Variants in SETD5 observed in about 807,000 individuals in gnomAD.
SETD5 encodes SET domain containing 5.
A neutral mutation model predicts 153.3 loss-of-function variants in SETD5; 44 were observed. The observed-to-expected ratio is 0.29, with a 90% CI of 0.23 to 0.37. The LOEUF is 0.37. SETD5 is among the 10% of genes least tolerant of loss of function. SETD5 has a pLI of 1.00. For synonymous variants in SETD5, 716 were observed against 645.2 expected (o/e 1.11, Z -1.66); for missense variants, 1,544 against 1,768.0 (o/e 0.87, Z 2.27).
At position 9,464,462 on chromosome 3, in the gene SETD5, T is replaced by G; in HGVS notation, c.2514T>G (p.Tyr838Ter). 1 of 1,613,458 alleles carries G rather than the reference T, an allele frequency of 6.2e-7. No individual in the cohort carries two copies. The highest frequency in any genetic ancestry group is 8.5e-7 in the Non-Finnish European group (1 of 1,179,390). ...LSPLKKWKSR[Y>*]LMEQNVTKLL... Reference sequence around the variant, plus strand: ...CATTAAAGAAATGGAAGTCTCGCTATCTGATGGAGCAGAATGTCACCAAGT... The same window carrying G: ...CATTAAAGAAATGGAAGTCTCGCTAGCTGATGGAGCAGAATGTCACCAAGT... The change falls in exon 18 of 23, where the codon TAT (tyrosine) becomes TAG (stop). Residue 838 changes from tyrosine to a stop codon, truncating the protein, a stop_gained. Transcript: ENST00000402198. LOFTEE classifies it high-confidence loss of function.
intron 18 of SETD5, among the ~76,000 whole-genome samples, chr3:9,467,199 C>CAAAA (rs35894304): frequency 0.037 from 1,488 of 39,682 alleles, 16 homozygotes; most frequent in Non-Finnish European, 0.047. Flanking sequence ...GACTCTCTCT[C>CAAAA]AAAAAAAAAA....
intron 16 of SETD5, among the ~76,000 whole-genome samples, chr3:9,450,704 A>G (rs145700017): frequency 1.3e-5 from 2 of 152,186 alleles, no homozygotes; most frequent in Non-Finnish European, 2.9e-5. Context: ...AATCAGATAG[A>G]TAAGAAAACC....
chr3:9,455,843 G>C (rs1478603959), intron 17 of SETD5, among the ~76,000 whole-genome samples: 1 of 152,144 alleles, frequency 6.6e-6, no homozygotes, highest in African/African-American at 2.4e-5. Context: ...TGGTTGGAAG[G>C]AAATTAGGAT....
In SETD5 at chr3:9,475,958, T is replaced by C; in HGVS notation, c.4196T>C (p.Val1399Ala). 6.2e-7 allele frequency: 1 copy of C among 1,614,008 alleles called. No homozygotes were observed. Among genetic ancestry groups the C allele is most frequent in the South Asian group, 1.1e-5 (1 of 91,082 alleles). Residue 1399 changes from valine to alanine, a missense_variant, in exon 23 of 23, where the codon GTC becomes GCC. By Grantham distance (64) the Val-to-Ala change is moderately conservative (BLOSUM62 0). Around this residue, in one of 9 missense-constraint regions of SETD5, gnomAD observed 302 missense variants for 277.6 expected, o/e 1.09. Coordinates refer to ENST00000402198, the MANE Select transcript of SETD5 (RefSeq NM_001080517.3). ...ISLPSAGQSA[V>A]YQASRVSAVS... ...CTGCCCAGTGCTGGGCAGTCAGCTG[T>C]CTACCAGGCCTCCAGGGTATCTGCG...
intron 1 of SETD5, among the ~76,000 whole-genome samples, chr3:9,411,253 T>G (rs1268857568): frequency 6.6e-6 from 1 of 152,190 alleles, no homozygotes; most frequent in Non-Finnish European, 1.5e-5. Context: ...TTAACATTTC[T>G]TGAATGGTTT....
At chr3:9,413,931 C>T (rs1359231309) in intron 1 of SETD5, among the ~76,000 whole-genome samples, 1 of 152,032 alleles carries the variant, frequency 6.6e-6, no homozygotes, top group Admixed American at 6.6e-5. Flanking sequence ...GCGCGCGCCA[C>T]CACGCCCAGC....
intron 1 of SETD5, among the ~76,000 whole-genome samples, chr3:9,400,413 A>T (rs981804066): frequency 2.0e-5 from 3 of 152,204 alleles, no homozygotes; most frequent in African/African-American, 7.2e-5. Flanking sequence ...CCTGCAGCTC[A>T]CATATCATGC....
chr3:9,417,712 C>T (rs1012988539), intron 1 of SETD5, among the ~76,000 whole-genome samples: 2 of 151,822 alleles, frequency 1.3e-5, no homozygotes, highest in East Asian at 1.9e-4. Context: ...GTCTCGATCT[C>T]CTGACCTCGT....
At chr3:9,445,551 T>G in intron 12 of SETD5, 106 bp from the exon 13 acceptor site, 1 of 1,042,788 alleles carries the variant, frequency 9.6e-7, no homozygotes, top group Non-Finnish European at 1.4e-6. Flanking sequence ...GAGTTAACAG[T>G]TTAAAGCACT....
intron 3 of SETD5, 53 bp downstream of exon 3, chr3:9,429,062 C>A: frequency 1.6e-6 from 2 of 1,276,836 alleles, no homozygotes; most frequent in Non-Finnish European, 2.3e-6. Context: ...GTGGAGACAG[C>A]CTTCTTATGG....
At chr3:9,431,425 A>G (rs947246733) in intron 3 of SETD5, 6 of 965,648 alleles carry the variant, frequency 6.2e-6, no homozygotes, top group Non-Finnish European at 7.4e-6. Flanking sequence ...AAGAGATGTA[A>G]TTCCATTATT....
chr3:9,452,462 T>G (rs1488467578), intron 16 of SETD5, among the ~76,000 whole-genome samples: 1 of 152,202 alleles, frequency 6.6e-6, no homozygotes, highest in Non-Finnish European at 1.5e-5. Context: ...AGATAGTTCA[T>G]TCTTCGGATT....
chr3:9,429,829 A>G (rs772184006), intron 3 of SETD5: 13 of 1,303,218 alleles, frequency 1.0e-5, no homozygotes, highest in South Asian at 6.2e-5. Context: ...GCTTACAGAA[A>G]GGAAGTGGAA....
chr3:9,412,111 T>C (rs533956781), intron 1 of SETD5, among the ~76,000 whole-genome samples: 6 of 152,282 alleles, frequency 3.9e-5, no homozygotes, highest in African/African-American at 1.4e-4. Context: ...CACTAGAATT[T>C]TGAGATACAT....
At position 9,470,828 on chromosome 3, in the gene SETD5, G is replaced by C. The variant is rs1253127190; in HGVS notation, c.3094G>C (p.Gly1032Arg). The C allele has an allele frequency of 1.9e-6, 3 of 1,613,010 alleles. No homozygotes were observed. Among genetic ancestry groups the C allele is most frequent in the Non-Finnish European group, 2.5e-6 (3 of 1,179,488 alleles). Residue 1032 changes from glycine to arginine, a missense_variant, in exon 19 of 23, where the codon GGC (glycine) becomes CGC (arginine). This residue lies in a region of SETD5 where 782 missense variants were observed against 787.2 expected (regional missense o/e 0.99). Coordinates refer to ENST00000402198, the MANE Select transcript of SETD5 (RefSeq NM_001080517.3). ...AGGATTTTCCAGCAGATATGAACAT[G>C]GCTTAATGAAAGACCTCTCTCGTGG... is the stretch of plus-strand genomic sequence containing the variant. ...AEGFSSRYEH[G>R]LMKDLSRGSL...
At chr3:9,443,934 C>T (rs2041616585) in intron 11 of SETD5, among the ~76,000 whole-genome samples, 1 of 152,150 alleles carries the variant, frequency 6.6e-6, no homozygotes, top group Admixed American at 6.5e-5. Context: ...TGGCGGCACA[C>T]GCCTGTAGTC....
At chr3:9,459,022 C>T (rs578069352) in intron 17 of SETD5, among the ~76,000 whole-genome samples, 2 of 152,218 alleles carry the variant, frequency 1.3e-5, no homozygotes, top group South Asian at 4.1e-4. Flanking sequence ...GCCTAAAAAT[C>T]TATGCTTCAG....
At chr3:9,455,194 A>G (rs1406100231) in intron 17 of SETD5, among the ~76,000 whole-genome samples, 3 of 114,312 alleles carry the variant, frequency 2.6e-5, no homozygotes, top group Non-Finnish European at 3.4e-5. Flanking sequence ...TTTTTTTGAA[A>G]TGGAGAATCA....
In SETD5 at chr3:9,453,816, A is replaced by G. The variant is rs1306017584; in HGVS notation, c.2424A>G (p.Leu808=). 1 of 1,606,550 alleles carries G rather than the reference A, an allele frequency of 6.2e-7. No homozygotes were observed. The highest frequency in any genetic ancestry group is 8.5e-7 in the Non-Finnish European group (1 of 1,177,940). The change falls in exon 17 of 23, where the codon CTA becomes CTG. Residue 808 remains leucine, a synonymous_variant. Transcript: ENST00000402198. ...CCCAAGAGACTAGAACTCAGCACCT[A>G]TACCAAAGCAATGAGAATAGTAGCT... ...SVPQETRTQH[L]YQSNENSSSS...
Sources: allele counts gnomAD v4.1 joint callset (sites outside exome capture counted in the v4.1 genomes callset), GRCh38; gene constraint gnomAD v4.1.1; regional missense constraint gnomAD v4.1.1; transcripts MANE v1.5; gene names NCBI Gene and HGNC (gene_info 2026-07-23, HGNC 2026-07-21).